CDYL: variants seen among roughly 807,000 people sequenced by gnomAD.
The protein encoded by CDYL is chromodomain Y-like protein.
CDYL carries 8 observed loss-of-function variants against 47.3 expected under a neutral mutation model. That is an observed-to-expected ratio of 0.17 (90% confidence interval 0.10 to 0.31). The LOEUF is 0.31. CDYL is among the 10% of genes least tolerant of loss of function. The pLI is 1.00. For missense variants in CDYL, 471 were observed against 701.4 expected, an observed-to-expected ratio of 0.67 and a Z score of 3.71; for synonymous variants, 266 against 265.0, an observed-to-expected ratio of 1.00 and a Z score of -0.04.
At chr6:4,865,368 G>C (rs1178137809) in intron 1 of CDYL, among the ~76,000 whole-genome samples, 1 of 152,226 alleles carries the variant, frequency 6.6e-6, no homozygotes, top group Non-Finnish European at 1.5e-5. Context: ...GCCAATAGGG[G>C]AATGACACAG....
intron 1 of CDYL, among the ~76,000 whole-genome samples, chr6:4,711,818 A>G (rs1423951875): frequency 6.6e-6 from 1 of 152,138 alleles, no homozygotes; most frequent in Admixed American, 6.5e-5. Flanking sequence ...TAATCCCAAC[A>G]TTTTGGAAGG....
chr6:4,912,564 T>C (rs1488076756), intron 2 of CDYL, among the ~76,000 whole-genome samples: 1 of 152,264 alleles, frequency 6.6e-6, no homozygotes, highest in African/African-American at 2.4e-5. Context: ...GGAAACATGA[T>C]GTGTGCTGAT....
intron 1 of CDYL, among the ~76,000 whole-genome samples, chr6:4,877,050 G>A (rs926182129): frequency 4.7e-4 from 72 of 152,276 alleles, no homozygotes; most frequent in African/African-American, 1.3e-3. Flanking sequence ...ATGGGCCCTC[G>A]CCAGACACTG....
chr6:4,818,609 A>C lies in CDYL; in HGVS notation c.24+41802A>C, dbSNP rs144156944. 5.1e-4 allele frequency among the ~76,000 whole-genome samples: 78 copies of C among 152,194 alleles called. 1 individual carries two copies. Among genetic ancestry groups the C allele is most frequent in the African/African-American group, 1.7e-3 (72 of 41,438 alleles). On this transcript the variant is annotated intron_variant, in intron 1 of 6. Transcript: ENST00000397588. Reference sequence around the variant, plus strand: ...TTGATTGTCTTCCATGAGCAAATGGACATTTCTCTTGTGGGTGCCTTGTTT... The same window carrying C: ...TTGATTGTCTTCCATGAGCAAATGGCCATTTCTCTTGTGGGTGCCTTGTTT...
intron 2 of CDYL, among the ~76,000 whole-genome samples, chr6:4,929,354 G>A (rs375172713): frequency 6.6e-6 from 1 of 152,092 alleles, no homozygotes; most frequent in African/African-American, 2.4e-5. Context: ...CATGTTATCA[G>A]CAGATGATAA....
At chr6:4,898,919 C>T (rs1283522048) in intron 2 of CDYL, among the ~76,000 whole-genome samples, 1 of 152,202 alleles carries the variant, frequency 6.6e-6, no homozygotes, top group African/African-American at 2.4e-5. Flanking sequence ...GACTTTTGAA[C>T]ATGGATTCAT....
chr6:4,895,858 C>T (rs538282563), intron 2 of CDYL, among the ~76,000 whole-genome samples: 7 of 152,262 alleles, frequency 4.6e-5, no homozygotes, highest in Non-Finnish European at 1.0e-4. Flanking sequence ...TAGTGACTTC[C>T]TTTCTAAAAA....
chr6:4,724,206 A>C (rs991337820), intron 2 of CDYL, among the ~76,000 whole-genome samples: 1 of 148,616 alleles, frequency 6.7e-6, no homozygotes, highest in African/African-American at 2.6e-5. Context: ...ACACCCAGCT[A>C]ATTTTTGTAT....
chr6:4,948,314 G>A (rs528156805), intron 5 of CDYL, among the ~76,000 whole-genome samples: 15 of 152,294 alleles, frequency 9.8e-5, no homozygotes, highest in Non-Finnish European at 5.9e-5. Flanking sequence ...TTTTGGAAGT[G>A]GAGCCCTGGA....
chr6:4,777,027 G>GT lies in CDYL; in HGVS notation c.24+220_24+221insT, dbSNP rs1758481131. Among the ~76,000 whole-genome samples, 15 of 149,620 alleles carry GT rather than the reference G, an allele frequency of 1.0e-4. No individual in the cohort carries two copies. The South Asian group carries it at 3.1e-3, about 31-fold the overall frequency. ...CTGAAGTTGCCGGGCGTGGGGTGGGGGGGGGGGTCCCAGCCGTGGGGAAGT... is the reference window on the plus strand; with the variant it reads ...CTGAAGTTGCCGGGCGTGGGGTGGGGTGGGGGGGTCCCAGCCGTGGGGAAGT... On this transcript the variant is annotated intron_variant, in intron 1 of 6. Coordinates refer to ENST00000397588, the MANE Select transcript of CDYL (RefSeq NM_004824.4).
At chr6:4,886,465 C>T (rs186298059) in intron 1 of CDYL, among the ~76,000 whole-genome samples, 4 of 152,184 alleles carry the variant, frequency 2.6e-5, no homozygotes, top group African/African-American at 4.8e-5. Context: ...TGCATTTCCC[C>T]GATGGCTAAT....
At chr6:4,818,005 C>T (rs1759721046) in intron 1 of CDYL, among the ~76,000 whole-genome samples, 1 of 152,078 alleles carries the variant, frequency 6.6e-6, no homozygotes, top group South Asian at 2.1e-4. Context: ...GCCTGTAATC[C>T]CAGAACTTTG....
intron 1 of CDYL, among the ~76,000 whole-genome samples, chr6:4,803,309 T>C (rs1265331): frequency 0.023 from 3,507 of 152,300 alleles, 144 homozygotes; most frequent in African/African-American, 0.08. Context: ...CAGATCCTCA[T>C]CCACCTGGTC....
chr6:4,894,489 C>T (rs1027985087), intron 2 of CDYL, among the ~76,000 whole-genome samples: 1 of 152,100 alleles, frequency 6.6e-6, no homozygotes, highest in East Asian at 1.9e-4. Context: ...TATTTACTAA[C>T]GTGAAAATAT....
At chr6:4,715,662 A>G in intron 1 of CDYL, 1 of 1,366,838 alleles carries the variant, frequency 7.3e-7, no homozygotes, top group African/African-American at 1.5e-5. Context: ...AGAACTGGTG[A>G]AAGTCATTAA....
chr6:4,938,938 G>A (rs576944055), intron 4 of CDYL, among the ~76,000 whole-genome samples: 5 of 152,074 alleles, frequency 3.3e-5, no homozygotes, highest in African/African-American at 1.2e-4. Context: ...CTGATTTTTC[G>A]GAGATGAATT....
intron 2 of CDYL, among the ~76,000 whole-genome samples, chr6:4,932,252 A>G (rs1178774360): frequency 6.6e-6 from 1 of 152,238 alleles, no homozygotes; most frequent in Non-Finnish European, 1.5e-5. Flanking sequence ...AATTCTGGAG[A>G]GAACCCTAAG....
chr6:4,769,667 T>C (rs1167404174), intron 3 of CDYL, among the ~76,000 whole-genome samples: 1 of 152,238 alleles, frequency 6.6e-6, no homozygotes, highest in Non-Finnish European at 1.5e-5. Flanking sequence ...GCATGTCCAG[T>C]GTGCCCACGG....
Position 4,933,692 on chromosome 6 carries a change from A to G in CDYL, c.692-1823A>G, listed in dbSNP as rs11969464. Reference sequence around the variant, plus strand: ...AGAAAAAGTCTTTCCTGAGTCCCTCAGAAGGACTCAGCAACACCTTTGCTG... The same window carrying G: ...AGAAAAAGTCTTTCCTGAGTCCCTCGGAAGGACTCAGCAACACCTTTGCTG... On this transcript the variant is annotated intron_variant, in intron 2 of 6. Coordinates refer to ENST00000397588, the MANE Select transcript of CDYL (RefSeq NM_004824.4). Among the ~76,000 whole-genome samples the G allele has an allele frequency of 2.8e-3, 432 of 152,336 alleles. 2 individuals are homozygous for G. Among genetic ancestry groups the G allele is most frequent in the African/African-American group, 7.7e-3 (320 of 41,578 alleles).
Sources: gnomAD v4.1 joint callset for allele counts (sites outside exome capture counted in the v4.1 genomes callset) on GRCh38, gnomAD v4.1.1 for gene constraint, MANE v1.5 for transcripts, NCBI Gene and HGNC (gene_info 2026-07-23, HGNC 2026-07-21) for gene names.